Variants in NCAM2 observed in about 807,000 individuals in gnomAD.
NCAM2 encodes the protein neural cell adhesion molecule 2, also known as N-CAM-2.
In NCAM2, 30 loss-of-function variants were observed where a neutral mutation model predicts 98.1. That is an observed-to-expected ratio of 0.31 (90% confidence interval 0.23 to 0.41). The LOEUF is 0.41. Ranked by LOEUF, NCAM2 falls within the 10% of genes least tolerant of loss-of-function variation. The pLI is 1.00. For missense variants in NCAM2, 867 were observed against 1,005.8 expected (o/e 0.86, Z 1.87); for synonymous variants, 368 against 342.4 (o/e 1.07, Z -0.83).
intron 1 of NCAM2, among the ~76,000 whole-genome samples, chr21:21,108,301 G>A (rs2066390324): frequency 6.6e-6 from 1 of 151,986 alleles, no homozygotes. Flanking sequence ...TCTGCAGAGT[G>A]AGGCCAGATT....
intron 9 of NCAM2, among the ~76,000 whole-genome samples, chr21:21,398,916 G>A (rs1008492742): frequency 6.6e-6 from 1 of 152,212 alleles, no homozygotes. Context: ...AGGAGGAAAA[G>A]CAGGTTTATT....
At chr21:21,465,973 T>G (rs529118919) in intron 12 of NCAM2, among the ~76,000 whole-genome samples, 1 of 152,214 alleles carries the variant, frequency 6.6e-6, no homozygotes, top group African/African-American at 2.4e-5. Flanking sequence ...CCTTGTGCCT[T>G]TTCATATTCT....
intron 1 of NCAM2, among the ~76,000 whole-genome samples, chr21:21,065,917 TAA>T (rs2065427329): frequency 6.6e-6 from 1 of 152,172 alleles, no homozygotes; most frequent in Admixed American, 6.5e-5. Context: ...ATGGTCCTAC[TAA>T]AAATTAAGCA....
chr21:21,109,529 T>G lies in NCAM2; in HGVS notation c.55+110911T>G, dbSNP rs550753079. Among the ~76,000 whole-genome samples the G allele has an allele frequency of 4.7e-4, 71 of 152,274 alleles. 1 individual carries two copies. The South Asian group carries it at 0.014, about 30-fold the overall frequency. ...GTATTTCTAATTTTATTTCTTGTGTTTTTCTTCATTTCATTCAATTATTAA... is the reference window on the plus strand; with the variant it reads ...GTATTTCTAATTTTATTTCTTGTGTGTTTCTTCATTTCATTCAATTATTAA... On this transcript the variant is annotated intron_variant, in intron 1 of 17. Coordinates refer to ENST00000400546, the MANE Select transcript of NCAM2 (RefSeq NM_004540.5).
intron 1 of NCAM2, among the ~76,000 whole-genome samples, chr21:21,185,563 A>G (rs565761752): frequency 1.3e-5 from 2 of 152,338 alleles, no homozygotes; most frequent in South Asian, 4.1e-4. Context: ...TCACTTTCAA[A>G]GTCAGCCATA....
At chr21:21,462,834 T>G (rs1983164892) in intron 12 of NCAM2, among the ~76,000 whole-genome samples, 1 of 152,126 alleles carries the variant, frequency 6.6e-6, no homozygotes, top group African/African-American at 2.4e-5. Context: ...TTATAATTTT[T>G]GGAAGAACCG....
chr21:21,372,766 T>G (rs1209790459), intron 8 of NCAM2, among the ~76,000 whole-genome samples: 1 of 151,788 alleles, frequency 6.6e-6, no homozygotes, highest in Non-Finnish European at 1.5e-5. Context: ...TTCCAGAATT[T>G]ATGTTAATAA....
intron 5 of NCAM2, among the ~76,000 whole-genome samples, chr21:21,307,785 G>A (rs571698364): frequency 3.9e-5 from 6 of 152,126 alleles, no homozygotes; most frequent in Admixed American, 6.6e-5. Context: ...GAATATTTCT[G>A]ACACATCTCT....
chr21:21,328,954 A>T (rs905407310), intron 6 of NCAM2, among the ~76,000 whole-genome samples: 21 of 138,458 alleles, frequency 1.5e-4, no homozygotes, highest in Middle Eastern at 3.8e-3. Context: ...TATAGCATTA[A>T]TTTTTTTTTT....
intron 1 of NCAM2, among the ~76,000 whole-genome samples, chr21:21,166,011 C>G (rs374445218): frequency 1.3e-5 from 2 of 152,104 alleles, no homozygotes; most frequent in African/African-American, 2.4e-5. Context: ...TTGGGACCCC[C>G]GCTGTGATGC....
chr21:21,436,459 A>G (rs562519982), intron 12 of NCAM2, among the ~76,000 whole-genome samples: 2 of 152,342 alleles, frequency 1.3e-5, no homozygotes, highest in South Asian at 4.1e-4. Flanking sequence ...GTGGCACTGT[A>G]TTTCAGATGT....
chr21:21,443,044 A>T (rs1428392462), intron 12 of NCAM2, among the ~76,000 whole-genome samples: 1 of 152,112 alleles, frequency 6.6e-6, no homozygotes, highest in African/African-American at 2.4e-5. Flanking sequence ...CGCAGCTTTA[A>T]ATGTGTCCCA....
intron 1 of NCAM2, among the ~76,000 whole-genome samples, chr21:21,176,826 A>G (rs527467271): frequency 2.0e-5 from 3 of 152,030 alleles, no homozygotes; most frequent in East Asian, 1.9e-4. Context: ...GAATTGCTGT[A>G]CTAGTTACTT....
intron 15 of NCAM2, among the ~76,000 whole-genome samples, chr21:21,489,375 T>C (rs1201322406): frequency 6.6e-6 from 1 of 152,136 alleles, no homozygotes; most frequent in Non-Finnish European, 1.5e-5. Context: ...ATTTTCTCCC[T>C]TTTTCTCTAT....
intron 4 of NCAM2, among the ~76,000 whole-genome samples, chr21:21,287,172 A>G (rs963036792): frequency 1.3e-5 from 2 of 151,948 alleles, no homozygotes; most frequent in African/African-American, 2.4e-5. Flanking sequence ...AATTTTTTCA[A>G]TGCACCTGCA....
chr21:21,413,619 A>G (rs1217809910), intron 10 of NCAM2, among the ~76,000 whole-genome samples: 3 of 152,148 alleles, frequency 2.0e-5, no homozygotes, highest in Admixed American at 6.5e-5. Flanking sequence ...TTATGTTGGC[A>G]CTATAGTCTA....
At chr21:21,495,395 G>A (rs1216152440) in intron 15 of NCAM2, among the ~76,000 whole-genome samples, 1 of 151,956 alleles carries the variant, frequency 6.6e-6, no homozygotes, top group African/African-American at 2.4e-5. Flanking sequence ...GCATGGAATA[G>A]GAGAGAAGGA....
At chr21:21,529,258 A>G (rs151226352) in intron 16 of NCAM2, among the ~76,000 whole-genome samples, 40 of 152,234 alleles carry the variant, frequency 2.6e-4, no homozygotes, top group African/African-American at 9.6e-4. Flanking sequence ...ATCACAAGCA[A>G]TTAATCAGAA....
At chr21:21,109,020 TCTAA>T (rs1467064133) in intron 1 of NCAM2, among the ~76,000 whole-genome samples, 6 of 152,148 alleles carry the variant, frequency 3.9e-5, no homozygotes, top group Admixed American at 2.0e-4. Context: ...CCTTCTGATG[TCTAA>T]CTAATTGTGA....
Sources: gnomAD v4.1 joint callset for allele counts (sites outside exome capture counted in the v4.1 genomes callset) on GRCh38, gnomAD v4.1.1 for gene constraint, MANE v1.5 for transcripts, NCBI Gene and HGNC (gene_info 2026-07-23, HGNC 2026-07-21) for gene names.